FHIT: variants seen among roughly 807,000 people sequenced by gnomAD.
The protein encoded by FHIT is bis(5'-adenosyl)-triphosphatase.
Under a neutral mutation model 17.9 loss-of-function variants are expected in FHIT, and 19 were observed. That is an observed-to-expected ratio of 1.06 (90% confidence interval 0.74 to 1.56). FHIT has a LOEUF of 1.56. FHIT is among the 40% of genes most tolerant of loss of function. The pLI, the probability that FHIT is intolerant of heterozygous loss-of-function variation, is 0.00. For missense variants in FHIT, 248 were observed against 189.2 expected (o/e 1.31, Z -1.82); for synonymous variants, 81 against 69.7 (o/e 1.16, Z -0.81).
At chr3:60,033,991 G>C (rs540633745) in intron 5 of FHIT, among the ~76,000 whole-genome samples, 2 of 152,304 alleles carry the variant, frequency 1.3e-5, no homozygotes, top group South Asian at 2.1e-4. Context: ...CGTCTCGTGA[G>C]GGAGTAGCCA....
intron 8 of FHIT, among the ~76,000 whole-genome samples, chr3:59,893,237 A>G (rs553059105): frequency 1.3e-5 from 2 of 152,318 alleles, no homozygotes; most frequent in East Asian, 3.9e-4. Flanking sequence ...AGCACAGAGA[A>G]CCAATCCCAG....
chr3:61,236,048 T>C lies in FHIT; in HGVS notation c.-213+15253A>G, dbSNP rs866801889. Among the ~76,000 whole-genome samples, 46 of 151,924 alleles carry C rather than the reference T, an allele frequency of 3.0e-4. No individual in the cohort carries two copies. In the South Asian group the frequency reaches 4.6e-3, roughly 15 times the overall value. ...CACAACTAACCAATGAGGTAAGTTCTCTTACTATCCCCATTTTTAGATGAG... is the reference window on the plus strand; with the variant it reads ...CACAACTAACCAATGAGGTAAGTTCCCTTACTATCCCCATTTTTAGATGAG... On this transcript the variant is annotated intron_variant, in intron 1 of 9. Transcript: ENST00000492590.
chr3:60,637,922 A>T (rs552312805), intron 4 of FHIT, among the ~76,000 whole-genome samples: 2 of 152,302 alleles, frequency 1.3e-5, no homozygotes, highest in African/African-American at 4.8e-5. Context: ...GAATTGGCAA[A>T]TTTTGTTGTG....
chr3:59,942,874 C>G (rs1190296893), intron 7 of FHIT, among the ~76,000 whole-genome samples: 1 of 152,038 alleles, frequency 6.6e-6, no homozygotes, highest in Admixed American at 6.6e-5. Context: ...CTCTCAAACT[C>G]CTGGGCTCAA....
intron 7 of FHIT, among the ~76,000 whole-genome samples, chr3:59,985,629 C>T (rs1470449516): frequency 1.3e-5 from 2 of 152,132 alleles, no homozygotes. Flanking sequence ...AAGTCCAGCT[C>T]CGCTTAGCTG....
chr3:60,364,931 C>T (rs1049781607), intron 5 of FHIT, among the ~76,000 whole-genome samples: 1 of 152,066 alleles, frequency 6.6e-6, no homozygotes, highest in African/African-American at 2.4e-5. Context: ...TAGATTAAAT[C>T]ATACCATAGG....
At chr3:60,128,717 T>C (rs1699373359) in intron 5 of FHIT, among the ~76,000 whole-genome samples, 1 of 152,174 alleles carries the variant, frequency 6.6e-6, no homozygotes, top group African/African-American at 2.4e-5. Flanking sequence ...AGTGCTGGGA[T>C]TGATTAGCAG....
chr3:60,397,032 C>A (rs974559693), intron 5 of FHIT, among the ~76,000 whole-genome samples: 1 of 152,122 alleles, frequency 6.6e-6, no homozygotes. Flanking sequence ...ATGCACCAGG[C>A]AATCAAGCAT....
intron 5 of FHIT, among the ~76,000 whole-genome samples, chr3:60,040,366 G>C (rs954756003): frequency 6.6e-6 from 1 of 151,952 alleles, no homozygotes; most frequent in South Asian, 2.1e-4. Flanking sequence ...GGATGGTCTC[G>C]ATCTCTTGAC....
chr3:60,330,013 A>G (rs1391695303), intron 5 of FHIT, among the ~76,000 whole-genome samples: 5 of 152,248 alleles, frequency 3.3e-5, no homozygotes, highest in African/African-American at 1.2e-4. Context: ...TTCAAATAAT[A>G]ACTTATAGCC....
chr3:60,131,373 G>A (rs1559662023), intron 5 of FHIT, among the ~76,000 whole-genome samples: 1 of 151,820 alleles, frequency 6.6e-6, no homozygotes, highest in Non-Finnish European at 1.5e-5. Context: ...ATCCACAGTG[G>A]ATGAAATTCA....
At chr3:60,423,485 GT>G (rs1222866378) in intron 5 of FHIT, among the ~76,000 whole-genome samples, 17 of 152,046 alleles carry the variant, frequency 1.1e-4, no homozygotes, top group Admixed American at 9.8e-4. Flanking sequence ...AATTAGTGAG[GT>G]TTTTTTCTGA....
chr3:61,085,435 C>T (rs1057508018), intron 2 of FHIT, among the ~76,000 whole-genome samples: 1 of 152,068 alleles, frequency 6.6e-6, no homozygotes, highest in African/African-American at 2.4e-5. Context: ...AAGCATTTTT[C>T]ATGTGATTAT....
chr3:60,451,271 C>G (rs1296097740), intron 5 of FHIT, among the ~76,000 whole-genome samples: 1 of 152,040 alleles, frequency 6.6e-6, no homozygotes, highest in Non-Finnish European at 1.5e-5. Flanking sequence ...CGTCCTAAGC[C>G]ACGAAAACCA....
In FHIT at chr3:60,004,073, G is replaced by T. The variant is rs187127568; in HGVS notation, c.279+7298C>A. Among the ~76,000 whole-genome samples the T allele has an allele frequency of 1.7e-3, 252 of 152,180 alleles. 1 individual carries two copies. The highest frequency in any genetic ancestry group is 0.01 in the Middle Eastern group (3 of 294). Reference sequence around the variant, plus strand: ...GAGCACTAGTATCCTATAGCAAAATGACAACAGTGAGTAACCGGCCTTACT... The same window carrying T: ...GAGCACTAGTATCCTATAGCAAAATTACAACAGTGAGTAACCGGCCTTACT... On this transcript the variant is annotated intron_variant, in intron 7 of 9. Coordinates refer to ENST00000492590, the MANE Select transcript of FHIT (RefSeq NM_002012.4).
chr3:60,142,280 G>A (rs1484740894), intron 5 of FHIT, among the ~76,000 whole-genome samples: 1 of 152,102 alleles, frequency 6.6e-6, no homozygotes, highest in African/African-American at 2.4e-5. Flanking sequence ...AGCTCATAAG[G>A]TTGCTGTGGG....
At chr3:60,000,543 G>A (rs1483615812) in intron 7 of FHIT, among the ~76,000 whole-genome samples, 1 of 152,126 alleles carries the variant, frequency 6.6e-6, no homozygotes, top group Non-Finnish European at 1.5e-5. Flanking sequence ...TGCACCTGGA[G>A]CTAAAGATGA....
Position 59,897,763 on chromosome 3 carries a change from T to A in FHIT, c.348+24583A>T, listed in dbSNP as rs984870695. Among the ~76,000 whole-genome samples, 3 of 140,476 alleles carry A rather than the reference T, an allele frequency of 2.1e-5. No individual in the cohort carries two copies. In the Admixed American group the frequency reaches 2.1e-4, roughly 10 times the overall value. 92.2% of individuals were successfully genotyped at this position (140,476 alleles called of 152,430 possible). A position where few individuals can be genotyped will look rare whatever the true frequency, so the allele number is the denominator to read the frequency against. ...CTCCAAATGCTCCAAAATCTGAAAC[T>A]TTTTTTTTCTTTTTTTTTTTTGAGA... On this transcript the variant is annotated intron_variant, in intron 8 of 9. Transcript: ENST00000492590.
chr3:59,758,047 G>T (rs545823283), intron 8 of FHIT, among the ~76,000 whole-genome samples: 27 of 152,230 alleles, frequency 1.8e-4, no homozygotes, highest in Non-Finnish European at 3.4e-4. Flanking sequence ...CCTAACTACC[G>T]AACTAGAAGT....
Sources: allele counts gnomAD v4.1 joint callset (sites outside exome capture counted in the v4.1 genomes callset), GRCh38; gene constraint gnomAD v4.1.1; transcripts MANE v1.5; gene names NCBI Gene and HGNC (gene_info 2026-07-23, HGNC 2026-07-21).